The following PPP2R5C variants were observed in gnomAD, a reference collection of about 807,000 sequenced individuals.
PPP2R5C encodes serine/threonine-protein phosphatase 2A 56 kDa regulatory subunit gamma isoform.
A neutral mutation model predicts 68.9 loss-of-function variants in PPP2R5C; 7 were observed. The observed-to-expected ratio is 0.10, with a 90% CI of 0.06 to 0.19. The LOEUF (loss-of-function observed/expected upper bound fraction) is 0.19, where lower values mean the gene tolerates loss of function less well. Among genes scored for constraint, PPP2R5C ranks in the 10% least tolerant of loss-of-function variants. PPP2R5C has a pLI of 1.00. For missense variants in PPP2R5C, 348 were observed against 641.3 expected (o/e 0.54, Z 4.94); for synonymous variants, 210 against 222.2 (o/e 0.95, Z 0.49).
In PPP2R5C at chr14:101,766,748, A is replaced by C. The variant is rs533965274; in HGVS notation, c.93+3778A>C. 9 of 152,354 alleles carry C rather than the reference A, an allele frequency of 5.9e-5. No individual in the cohort carries two copies. In the South Asian group the frequency reaches 1.7e-3, roughly 28 times the overall value. The allele number at this position is 152,354 out of a possible 1,614,324, so 9.4% of individuals were successfully genotyped here. A position where few individuals can be genotyped will look rare whatever the true frequency, so the allele number is the denominator to read the frequency against. On this transcript the variant is annotated intron_variant, in intron 2 of 14. Coordinates refer to the PPP2R5C transcript ENST00000328724. ...GAGGCAAAAAACGGGCTCATGGGTC[A>C]CTTGAAGTTGGAAAATTCTGTGGAG...
At chr14:101,890,448 G>C (rs2044794120) in intron 6 of PPP2R5C, 152 bp downstream of exon 8, 1 of 748,022 alleles carries the variant, frequency 1.3e-6, no homozygotes, top group African/African-American at 1.8e-5. Context: ...GCAGGAGTTG[G>C]TGAGCTCTTA....
At chr14:101,813,724 C>T (rs1287956754) in intron 1 of PPP2R5C, among the ~76,000 whole-genome samples, 1 of 152,260 alleles carries the variant, frequency 6.6e-6, no homozygotes, top group Non-Finnish European at 1.5e-5. Flanking sequence ...CTGCTCTCAT[C>T]TTGTTCTAGT....
chr14:101,804,505 A>G (rs1686297796), intron 3 of PPP2R5C, among the ~76,000 whole-genome samples: 1 of 152,188 alleles, frequency 6.6e-6, no homozygotes, highest in South Asian at 2.1e-4. Context: ...TAAAAAATAT[A>G]TATATATACA....
rs547893790 is a variant in PPP2R5C, at chr14:101,918,262, G to A, written c.1443+315G>A. Reference sequence around the variant, plus strand: ...AGCTTCACAGCCATATCCACCCCTCGCTGTTTTCTTCACAGCCCTCTGGCT... The same window carrying A: ...AGCTTCACAGCCATATCCACCCCTCACTGTTTTCTTCACAGCCCTCTGGCT... On this transcript the variant is annotated intron_variant, in intron 13 of 13. Transcript: ENST00000334743. Among the ~76,000 whole-genome samples, 5 of 136,402 alleles carry A rather than the reference G, an allele frequency of 3.7e-5. No individual in the cohort carries two copies. The East Asian group carries it at 9.8e-4, about 27-fold the overall frequency. 89.5% of individuals were successfully genotyped at this position (136,402 alleles called of 152,430 possible).
intron 9 of PPP2R5C, among the ~76,000 whole-genome samples, chr14:101,904,339 G>A (rs1286229964): frequency 4.6e-5 from 7 of 151,916 alleles, no homozygotes; most frequent in East Asian, 1.9e-4. Context: ...TAGTAGAGAC[G>A]GGATTTCACC....
At chr14:101,819,311 C>T (rs1450619699) in intron 1 of PPP2R5C, 13 of 460,226 alleles carry the variant, frequency 2.8e-5, no homozygotes, top group Middle Eastern at 5.8e-4. Context: ...GGTCACAGAG[C>T]TGCTTTCCAG....
At chr14:101,926,988 T>C (rs534832524) in exon 14 of PPP2R5C, 2 of 152,324 alleles carry the variant, frequency 1.3e-5, no homozygotes, top group Admixed American at 6.5e-5. Context: ...CATTTTACCA[T>C]TATGAAAACT....
chr14:101,917,779 G>A lies in PPP2R5C; in HGVS notation c.1327-52G>A. ...AGTCCCTAGCCAGGATGAGAAGCTT[G>A]GAGTTCAGAGCCTGGGCACCTAACA... On this transcript the variant is annotated intron_variant, in intron 12 of 13. Coordinates refer to ENST00000334743, the Ensembl canonical transcript of PPP2R5C. This position sits in a 1 kb window ranked among gnomAD's most constrained non-coding sequence, Gnocchi z 4.4. 1 of 1,607,874 alleles carries A rather than the reference G, an allele frequency of 6.2e-7. No individual in the cohort carries two copies. The highest frequency in any genetic ancestry group is 1.1e-5 in the South Asian group (1 of 90,694).
chr14:101,837,265 T>C (rs2041170235), intron 1 of PPP2R5C, among the ~76,000 whole-genome samples: 1 of 152,156 alleles, frequency 6.6e-6, no homozygotes, highest in Non-Finnish European at 1.5e-5. Flanking sequence ...TGCCTCAGCC[T>C]CCCAAGTAGC....
intron 1 of PPP2R5C, among the ~76,000 whole-genome samples, chr14:101,813,076 A>G (rs1362773661): frequency 6.6e-6 from 1 of 152,190 alleles, no homozygotes; most frequent in Non-Finnish European, 1.5e-5. Context: ...GTCCAGGAGA[A>G]CTGTCTGCTG....
At chr14:101,862,239 T>C (rs1188660145) in intron 2 of PPP2R5C, among the ~76,000 whole-genome samples, 4 of 152,132 alleles carry the variant, frequency 2.6e-5, no homozygotes, top group South Asian at 2.1e-4. Flanking sequence ...TTTGGAAAAT[T>C]TGTATGCACC....
At chr14:101,866,760 C>A (rs2140711077) in intron 2 of PPP2R5C, among the ~76,000 whole-genome samples, 1 of 152,270 alleles carries the variant, frequency 6.6e-6, no homozygotes, top group East Asian at 1.9e-4. Flanking sequence ...TAATTTTTCC[C>A]TTTTACTATA....
In PPP2R5C at chr14:101,917,938, G is replaced by A. The variant is rs758650115; in HGVS notation, c.1434G>A (p.Glu478=). The A allele has an allele frequency of 3.7e-6, 6 of 1,613,874 alleles. No individual in the cohort carries two copies. The South Asian group carries it at 4.4e-5, about 12-fold the overall frequency. ...TGCTGAGAAAGACAGTGAAGGACGAGGCTCATCAGGTAAAAGTGCACCGAG... is the reference window on the plus strand; with the variant it reads ...TGCTGAGAAAGACAGTGAAGGACGAAGCTCATCAGGTAAAAGTGCACCGAG... The change falls in exon 13 of 14, where the codon GAG becomes GAA. Residue 478 remains glutamate (E), a synonymous_variant. Transcript: ENST00000334743. The surrounding 1 kb of genome is among the most constrained non-coding windows in gnomAD (Gnocchi z 4.4).
intron 1 of PPP2R5C, among the ~76,000 whole-genome samples, chr14:101,853,504 T>A (rs2042267084): frequency 1.3e-5 from 2 of 152,230 alleles, no homozygotes; most frequent in Admixed American, 1.3e-4. Flanking sequence ...TTTGCTTTTG[T>A]GTTTGAATGA....
At chr14:101,833,632 C>G (rs553688340) in intron 1 of PPP2R5C, 1 of 152,330 alleles carries the variant, frequency 6.6e-6, no homozygotes, top group East Asian at 1.9e-4. Context: ...TATGAGGGAG[C>G]AGCACATGGA....
intron 1 of PPP2R5C, among the ~76,000 whole-genome samples, chr14:101,833,258 C>T (rs1002661649): frequency 1.8e-4 from 28 of 152,226 alleles, no homozygotes; most frequent in African/African-American, 6.8e-4. Flanking sequence ...GGCCAGAGGT[C>T]ACTGGTGCTG....
chr14:101,778,412 A>G (rs1055259239), intron 2 of PPP2R5C, among the ~76,000 whole-genome samples: 11 of 152,190 alleles, frequency 7.2e-5, no homozygotes, highest in African/African-American at 2.7e-4. Context: ...ATTTTTATGA[A>G]GTCTGGTTTA....
intron 2 of PPP2R5C, among the ~76,000 whole-genome samples, chr14:101,775,468 C>T (rs750363548): frequency 6.6e-5 from 10 of 152,220 alleles, no homozygotes; most frequent in Non-Finnish European, 1.3e-4. Flanking sequence ...TGTTGCCTGG[C>T]TGCACGGAAG....
In PPP2R5C at chr14:101,825,112, AAG is replaced by A. The variant is rs2040316065; in HGVS notation, c.94+15078_94+15079del. Among the ~76,000 whole-genome samples, 1 of 152,170 alleles carries A rather than the reference AAG, an allele frequency of 6.6e-6. No individual in the cohort carries two copies. Among genetic ancestry groups the A allele is most frequent in the African/African-American group, 2.4e-5 (1 of 41,418 alleles). On this transcript the variant is annotated intron_variant, in intron 1 of 13. Coordinates refer to ENST00000334743, the Ensembl canonical transcript of PPP2R5C. This position sits in a 1 kb window ranked among gnomAD's most constrained non-coding sequence, Gnocchi z 4.0. ...TCACTACACAAGGGGAAGTTGGGCT[AAG>A]AATAAATTTGTTTTGGTTCCAGGAT... is the stretch of plus-strand genomic sequence containing the variant.
Sources: allele counts gnomAD v4.1 joint callset (sites outside exome capture counted in the v4.1 genomes callset), GRCh38; gene constraint gnomAD v4.1.1; non-coding constraint Gnocchi (gnomAD v3.1); transcripts MANE v1.5; gene names NCBI Gene and HGNC (gene_info 2026-07-23, HGNC 2026-07-21).